GINS2: variants seen among roughly 807,000 people sequenced by gnomAD.
The protein encoded by GINS2 is GINS complex subunit 2.
A neutral mutation model predicts 21.2 loss-of-function variants in GINS2; 23 were observed. The observed-to-expected ratio is 1.08, with a 90% confidence interval of 0.78 to 1.53. The LOEUF (loss-of-function observed/expected upper bound fraction) is 1.53, where lower values mean the gene tolerates loss of function less well. Ranked by LOEUF, GINS2 falls within the 40% of genes most tolerant of loss-of-function variation. The probability of loss-of-function intolerance (pLI) is 0.00; values close to 1 mark genes in which losing one functional copy is unlikely to be tolerated. For synonymous variants in GINS2, 118 were observed against 85.6 expected, an observed-to-expected ratio of 1.38 and a Z score of -2.09; for missense variants, 323 against 233.9, an observed-to-expected ratio of 1.38 and a Z score of -2.49.
At chr16:85,688,689 G>A (rs1286014541) in intron 1 of GINS2, 120 bp downstream of exon 1, 2 of 469,378 alleles carry the variant, frequency 4.3e-6, no homozygotes, top group Non-Finnish European at 7.4e-6. Flanking sequence ...CAAGCGCCGA[G>A]TGGTGGCCTC....
In GINS2 at chr16:85,678,619, T is replaced by A; in HGVS notation, c.353A>T (p.Lys118Met). The change falls in exon 4 of 5, where the codon AAG becomes ATG. Residue 118 changes from lysine (K) to methionine (M), a missense_variant. Lys to Met is a moderately conservative substitution (Grantham distance 95). Coordinates refer to ENST00000253462, the MANE Select transcript of GINS2 (RefSeq NM_016095.3). ...GGCTATACGAGTGTCCCACATATCCTTGACCAGGGTCCGGATTTCGTCTGC... is the reference window on the plus strand; with the variant it reads ...GGCTATACGAGTGTCCCACATATCCATGACCAGGGTCCGGATTTCGTCTGC... The part of the protein sequence containing the change: ...PKADEIRTLV[K>M]DMWDTRIAKL... The A allele has an allele frequency of 6.2e-7, 1 of 1,613,888 alleles. No homozygotes were observed. Among genetic ancestry groups the A allele is most frequent in the Non-Finnish European group, 8.5e-7 (1 of 1,179,920 alleles).
At chr16:85,683,589 C>T (rs930451706) in intron 2 of GINS2, among the ~76,000 whole-genome samples, 9 of 152,230 alleles carry the variant, frequency 5.9e-5, no homozygotes, top group African/African-American at 2.2e-4. Flanking sequence ...TCAGCTTTCA[C>T]TCTTCTCCCT....
At chr16:85,687,143 C>T (rs1484708893) in intron 2 of GINS2, among the ~76,000 whole-genome samples, 1 of 152,230 alleles carries the variant, frequency 6.6e-6, no homozygotes, top group Non-Finnish European at 1.5e-5. Context: ...ATCACTTGAA[C>T]CCAGGAGGTG....
In GINS2 at chr16:85,676,303, C is replaced by A. The variant is rs1411176197; in HGVS notation, c.*1909G>T. ...ACGGAGCTGCCTCCACTGGCTCAGGCTCTAAGAGGAGGGCATTAGGACCCC... is the reference window on the plus strand; with the variant it reads ...ACGGAGCTGCCTCCACTGGCTCAGGATCTAAGAGGAGGGCATTAGGACCCC... On this transcript the variant is annotated 3_prime_UTR_variant, in exon 5 of 5. Transcript: ENST00000253462. 1.3e-5 allele frequency: 2 copies of A among 152,246 alleles called. No homozygotes were observed. Among genetic ancestry groups the A allele is most frequent in the African/African-American group, 4.8e-5 (2 of 41,442 alleles). The allele number at this position is 152,246 out of a possible 1,614,324, so 9.4% of individuals were successfully genotyped here. A position where few individuals can be genotyped will look rare whatever the true frequency, so the allele number is the denominator to read the frequency against.
At chr16:85,679,758 T>A (rs2053716336) in intron 3 of GINS2, among the ~76,000 whole-genome samples, 1 of 152,218 alleles carries the variant, frequency 6.6e-6, no homozygotes, top group African/African-American at 2.4e-5. Context: ...AATTCTTACC[T>A]AGCCTGTTTA....
At chr16:85,683,708 C>T (rs2053752549) in intron 2 of GINS2, among the ~76,000 whole-genome samples, 1 of 152,266 alleles carries the variant, frequency 6.6e-6, no homozygotes, top group South Asian at 2.1e-4. Context: ...ACTCTCAGTG[C>T]TTGCCTGGAT....
In GINS2 at chr16:85,686,622, T is replaced by C. The variant is rs533630189; in HGVS notation, c.205+838A>G. On this transcript the variant is annotated intron_variant, in intron 2 of 4. Transcript: ENST00000253462. Reference sequence around the variant, plus strand: ...ATACTTAAGCAACTACTAATCTACATTGTCTCTATTGATTTGCCTATTCTA... The same window carrying C: ...ATACTTAAGCAACTACTAATCTACACTGTCTCTATTGATTTGCCTATTCTA... 2.3e-3 allele frequency among the ~76,000 whole-genome samples: 352 copies of C among 152,250 alleles called. 2 individuals carry two copies. The highest frequency in any genetic ancestry group is 8.3e-3 in the African/African-American group (343 of 41,538).
At chr16:85,679,608 G>A (rs16975817) in intron 3 of GINS2, among the ~76,000 whole-genome samples, 7,671 of 152,282 alleles carry the variant, frequency 0.05, 508 homozygotes, top group East Asian at 0.17. Flanking sequence ...CTCCTCGTCA[G>A]CTGAACTATA....
Position 85,687,499 on chromosome 16 carries a change from G to C in GINS2, c.166C>G (p.Gln56Glu). The change falls in exon 2 of 5, where the codon CAG becomes GAG. Residue 56 changes from glutamine to glutamate, a missense_variant. Transcript: ENST00000253462. The stretch of plus-strand genomic sequence containing the variant: ...TCTGGAGGGAGCAGGCGACATTTCT[G>C]TCTTTGTTTCAGGTTAATCGCCAGC... The part of the protein sequence containing the change: ...LWLAINLKQR[Q>E]KCRLLPPEWM... 4 of 1,595,958 alleles carry C rather than the reference G, an allele frequency of 2.5e-6. No homozygotes were observed. The highest frequency in any genetic ancestry group is 3.4e-6 in the Non-Finnish European group (4 of 1,172,722).
chr16:85,688,414 C>T (rs535439514), intron 1 of GINS2, among the ~76,000 whole-genome samples: 6 of 150,682 alleles, frequency 4.0e-5, no homozygotes, highest in African/African-American at 7.3e-5. Flanking sequence ...GGCGTGGTGG[C>T]GGGCACCTGT....
chr16:85,677,733 G>C lies in GINS2; in HGVS notation c.*479C>G, dbSNP rs896843016. On this transcript the variant is annotated 3_prime_UTR_variant, in exon 5 of 5. Transcript: ENST00000253462. ...TAGAGGATAAGCACCGGTCAGCATT[G>C]TTGGCTGCACCATCTGCCATCCTTC... The C allele has an allele frequency of 1.3e-5, 2 of 157,074 alleles. No individual in the cohort carries two copies. 9.7% of individuals were successfully genotyped at this position (157,074 alleles called of 1,614,324 possible).
intron 2 of GINS2, among the ~76,000 whole-genome samples, chr16:85,683,490 C>T (rs2053751051): frequency 6.6e-6 from 1 of 152,204 alleles, no homozygotes; most frequent in Non-Finnish European, 1.5e-5. Context: ...ACTCCTGATA[C>T]CCACTGCAGC....
At chr16:85,682,943 G>A (rs1015194119) in intron 2 of GINS2, among the ~76,000 whole-genome samples, 3 of 151,876 alleles carry the variant, frequency 2.0e-5, no homozygotes, top group Admixed American at 6.6e-5. Context: ...CGCCAGCACC[G>A]CCTCAACCCA....
In GINS2 at chr16:85,686,743, G is replaced by A. The variant is rs975060831; in HGVS notation, c.205+717C>T. Among the ~76,000 whole-genome samples the A allele has an allele frequency of 1.5e-4, 23 of 152,166 alleles. No homozygotes were observed. In the East Asian group the frequency reaches 1.7e-3, roughly 11 times the overall value. ...TTTAAGATGTTTCAGGTTCATCCAC[G>A]CAGTAGCATGTATCAGAATTCCATT... On this transcript the variant is annotated intron_variant, in intron 2 of 4. Transcript: ENST00000253462.
chr16:85,684,393 G>C (rs1036156909), intron 2 of GINS2, among the ~76,000 whole-genome samples: 1 of 152,178 alleles, frequency 6.6e-6, no homozygotes, highest in African/African-American at 2.4e-5. Flanking sequence ...TACTAGGGAG[G>C]CTGAGATGGG....
In GINS2 at chr16:85,681,700, T is replaced by A. The variant is rs779903286; in HGVS notation, c.206-19A>T. The A allele has an allele frequency of 2.8e-6, 4 of 1,434,558 alleles. No individual in the cohort carries two copies. The East Asian group carries it at 9.1e-5, about 33-fold the overall frequency. 88.9% of individuals were successfully genotyped at this position (1,434,558 alleles called of 1,614,324 possible). The stretch of plus-strand genomic sequence containing the variant: ...AACTTTTCTGAAATTTAGAAGTTAA[T>A]ACATTTTACCATCATTATAACCAAG... On this transcript the variant is annotated intron_variant, in intron 2 of 4. Transcript: ENST00000253462.
Position 85,678,134 on chromosome 16 carries a change from G to A in GINS2, c.*78C>T. 1 of 1,298,160 alleles carries A rather than the reference G, an allele frequency of 7.7e-7. No homozygotes were observed. Among genetic ancestry groups the A allele is most frequent in the Non-Finnish European group, 1.1e-6 (1 of 915,064 alleles). The allele number at this position is 1,298,160 out of a possible 1,614,324, so 80.4% of individuals were successfully genotyped here. On this transcript the variant is annotated 3_prime_UTR_variant, in exon 5 of 5. Coordinates refer to ENST00000253462, the MANE Select transcript of GINS2 (RefSeq NM_016095.3). ...TTTTCATGCATCAGAAGTGTTTCTAGAGCTCCAGAACCACGAGTACCTCAT... is the reference window on the plus strand; with the variant it reads ...TTTTCATGCATCAGAAGTGTTTCTAAAGCTCCAGAACCACGAGTACCTCAT...
intron 2 of GINS2, among the ~76,000 whole-genome samples, chr16:85,685,345 G>C (rs1463562417): frequency 6.6e-6 from 1 of 152,136 alleles, no homozygotes; most frequent in African/African-American, 2.4e-5. Context: ...AGAGGATGCT[G>C]CATTAATGGA....
chr16:85,687,170 G>A (rs528442611), intron 2 of GINS2, among the ~76,000 whole-genome samples: 86 of 152,366 alleles, frequency 5.6e-4, no homozygotes, highest in South Asian at 1.2e-3. Context: ...GCATTGAGCC[G>A]AGATTGCACC....
Sources: allele counts gnomAD v4.1 joint callset (sites outside exome capture counted in the v4.1 genomes callset), GRCh38; gene constraint gnomAD v4.1.1; transcripts MANE v1.5; gene names NCBI Gene and HGNC (gene_info 2026-07-23, HGNC 2026-07-21).